The following CLEC20A variants were observed in gnomAD, a reference collection of about 807,000 sequenced individuals.
The protein encoded by CLEC20A is putative C-type lectin domain family 20 member A.
chr1:178,485,279 GTAAAC>G, intron 5 of CLEC20A, among the ~76,000 whole-genome samples: 1 of 152,288 alleles, frequency 6.6e-6, no homozygotes, highest in East Asian at 1.9e-4. Flanking sequence ...CTCACCTGCT[GTAAAC>G]CTCTGATGGC....
At chr1:178,497,033 C>T, upstream of CLEC20A, 2 of 398,932 alleles carry the variant, frequency 5.0e-6, no homozygotes, top group Non-Finnish European at 4.4e-6. Context: ...TGCGTCTGAC[C>T]TTCTGGCCTT....
At chr1:178,483,373 G>T (rs542211750) in intron 5 of CLEC20A, 91 bp from the exon 6 acceptor site, 2 of 396,732 alleles carry the variant, frequency 5.0e-6, no homozygotes, top group East Asian at 3.6e-5. Flanking sequence ...TAAAAGACAG[G>T]CAAGGACAGC....
chr1:178,489,998 G>T, intron 4 of CLEC20A, 74 bp downstream of exon 4: 2 of 398,236 alleles, frequency 5.0e-6, no homozygotes, highest in Non-Finnish European at 8.8e-6. Flanking sequence ...GTCATCTGCT[G>T]CCAAGTAAAC....
chr1:178,484,313 A>G (rs1271706351), intron 5 of CLEC20A: 1 of 152,232 alleles, frequency 6.6e-6, no homozygotes, highest in African/African-American at 2.4e-5. Context: ...TACTGTGCCA[A>G]GATCACTGTT....
At chr1:178,482,907 G>A (rs1558027305) in intron 6 of CLEC20A, 1 of 318,234 alleles carries the variant, frequency 3.1e-6, no homozygotes, top group Non-Finnish European at 5.7e-6. Context: ...CTCATTGGGT[G>A]CTCACAACAA....
chr1:178,494,671 G>A (rs1364310381), exon 2 of CLEC20A: 1 of 399,358 alleles, frequency 2.5e-6, no homozygotes, highest in Non-Finnish European at 4.4e-6. Flanking sequence ...TGGTCATGAG[G>A]GAGTAGAGCT....
At chr1:178,499,576 A>T (rs1439341402), upstream of CLEC20A, 3 of 151,876 alleles carry the variant, frequency 2.0e-5, no homozygotes, top group Non-Finnish European at 4.4e-5. Context: ...TGAACATCGG[A>T]CTCCGAGTTC....
intron 5 of CLEC20A, chr1:178,484,557 A>T (rs768931438): frequency 6.6e-6 from 1 of 151,656 alleles, no homozygotes; most frequent in Non-Finnish European, 1.5e-5. Flanking sequence ...TGGTGTATGC[A>T]TATAGTTCTA....
At chr1:178,488,521 G>T in exon 5 of CLEC20A, 1 of 398,812 alleles carries the variant, frequency 2.5e-6, no homozygotes, top group Non-Finnish European at 4.4e-6. Flanking sequence ...CCTGGGAGTT[G>T]TTTCCTCTGT....
At chr1:178,485,438 G>A (rs1572156151) in intron 5 of CLEC20A, among the ~76,000 whole-genome samples, 1 of 152,170 alleles carries the variant, frequency 6.6e-6, no homozygotes, top group East Asian at 1.9e-4. Context: ...CATACAGTTT[G>A]ACATCTGTCT....
chr1:178,491,644 A>C (rs992057329), intron 3 of CLEC20A, among the ~76,000 whole-genome samples: 44 of 152,290 alleles, frequency 2.9e-4, no homozygotes, highest in Non-Finnish European at 4.7e-4. Context: ...GAACATGGGA[A>C]GCCCACGCCA....
At chr1:178,490,939 C>T (rs972650465) in intron 3 of CLEC20A, among the ~76,000 whole-genome samples, 3 of 152,142 alleles carry the variant, frequency 2.0e-5, no homozygotes, top group Non-Finnish European at 2.9e-5. Flanking sequence ...GGCTCTCGGG[C>T]GAATCCAGGG....
intron 4 of CLEC20A, 125 bp downstream of exon 4, chr1:178,489,947 C>T: frequency 2.5e-6 from 1 of 397,502 alleles, no homozygotes; most frequent in Non-Finnish European, 4.4e-6. Flanking sequence ...ACTCAGTTAC[C>T]CCTCAGAGTC....
intron 6 of CLEC20A, 72 bp from the exon 7 acceptor site, chr1:178,482,469 G>A (rs1649014551): frequency 1.0e-5 from 4 of 398,032 alleles, no homozygotes; most frequent in Non-Finnish European, 1.8e-5. Flanking sequence ...GCAGTCAGGA[G>A]CACCCGGTGG....
chr1:178,482,028 C>A (rs1162644602), intron 7 of CLEC20A: 7 of 268,516 alleles, frequency 2.6e-5, no homozygotes, highest in Non-Finnish European at 6.9e-6. Flanking sequence ...AAAACTAAGA[C>A]CCACGCTCAG....
At position 178,479,303 on chromosome 1, in the gene CLEC20A, AACATGATTGTTCCCAAATACACCCAT is replaced by A. The variant is rs538509577; in HGVS notation, c.*206_*231del. Reference sequence around the variant, plus strand: ...TAATAGAAGTTCATTTGTCATTCCCAACATGATTGTTCCCAAATACACCCATCTTCTCCTGCATCCCTGTTTCATTC... The same window carrying A: ...TAATAGAAGTTCATTTGTCATTCCCACTTCTCCTGCATCCCTGTTTCATTC... On this transcript the variant is annotated 3_prime_UTR_variant, in exon 8 of 8. Coordinates refer to ENST00000623247, the Ensembl canonical transcript of CLEC20A. 184 of 337,856 alleles carry A rather than the reference AACATGATTGTTCCCAAATACACCCAT, an allele frequency of 5.4e-4. 1 individual carries two copies. The highest frequency in any genetic ancestry group is 3.6e-3 in the African/African-American group (169 of 47,512). 20.9% of individuals were successfully genotyped at this position (337,856 alleles called of 1,614,324 possible).
intron 4 of CLEC20A, among the ~76,000 whole-genome samples, chr1:178,488,802 C>T (rs1003101338): frequency 6.6e-6 from 1 of 152,230 alleles, no homozygotes; most frequent in Non-Finnish European, 1.5e-5. Flanking sequence ...AGCAGCTCCT[C>T]AGGGAGGAAG....
In CLEC20A at chr1:178,488,728, T is replaced by C. The variant is rs191744378; in HGVS notation, c.830-129A>G. The C allele has an allele frequency of 1.5e-5, 6 of 396,952 alleles. 1 individual carries two copies. In the Admixed American group the frequency reaches 2.6e-4, roughly 17 times the overall value. The allele number at this position is 396,952 out of a possible 1,614,324, so 24.6% of individuals were successfully genotyped here. A position where few individuals can be genotyped will look rare whatever the true frequency, so the allele number is the denominator to read the frequency against. On this transcript the variant is annotated intron_variant, in intron 4 of 7. Coordinates refer to ENST00000623247, the Ensembl canonical transcript of CLEC20A. Reference sequence around the variant, plus strand: ...AGCCAAACTCAGGAGGGCGCAGTTATTGTACATCTACCGTGTGCCAATCCC... The same window carrying C: ...AGCCAAACTCAGGAGGGCGCAGTTACTGTACATCTACCGTGTGCCAATCCC...
chr1:178,497,855 G>A (rs530284606), upstream of CLEC20A, among the ~76,000 whole-genome samples: 2 of 152,232 alleles, frequency 1.3e-5, no homozygotes, highest in South Asian at 4.2e-4. Flanking sequence ...GGGGCTGGCT[G>A]CTGGGGGAGA....
Sources: gnomAD v4.1 joint callset for allele counts (sites outside exome capture counted in the v4.1 genomes callset) on GRCh38, gnomAD v4.1.1 for gene constraint, MANE v1.5 for transcripts, NCBI Gene and HGNC (gene_info 2026-07-23, HGNC 2026-07-21) for gene names.